The following SERPINC1 variants were observed in gnomAD, a reference collection of about 807,000 sequenced individuals.
SERPINC1 encodes serpin family C member 1.
Under a neutral mutation model 43.4 loss-of-function variants are expected in SERPINC1, and 12 were observed. That is an observed-to-expected ratio of 0.28 (90% CI 0.18 to 0.45). The LOEUF (loss-of-function observed/expected upper bound fraction) is 0.45. Ranked by LOEUF, SERPINC1 falls within the 20% of genes least tolerant of loss-of-function variation. The probability of loss-of-function intolerance (pLI) is 1.00; values close to 1 mark genes in which losing one functional copy is unlikely to be tolerated. For missense variants in SERPINC1, 423 were observed against 578.8 expected (o/e 0.73, Z 2.76); for synonymous variants, 210 against 218.9 (o/e 0.96, Z 0.36).
In SERPINC1 at chr1:173,909,555, G is replaced by A; in HGVS notation, c.1150C>T (p.Pro384Ser). The A allele has an allele frequency of 1.9e-6, 3 of 1,613,766 alleles. No individual in the cohort carries two copies. Among genetic ancestry groups the A allele is most frequent in the Non-Finnish European group, 2.5e-6 (3 of 1,180,036 alleles). The change falls in exon 5 of 7, where the codon CCA (proline) becomes TCA (serine). Residue 384 changes from proline (P) to serine (S), a missense_variant. Coordinates refer to ENST00000367698, the MANE Select transcript of SERPINC1 (RefSeq NM_000488.4). Reference protein sequence around the residue: ...DLFSPEKSKLPGIVAEGRDDL... With the variant: ...DLFSPEKSKLSGIVAEGRDDL... ...GGAAACTCCTTCCTAGACAAACCTG[G>A]GAGTTTGGACTTTTCAGGGCTGAAC...
At chr1:173,909,122 C>T (rs559938222) in intron 5 of SERPINC1, among the ~76,000 whole-genome samples, 10 of 152,204 alleles carry the variant, frequency 6.6e-5, no homozygotes, top group South Asian at 2.1e-4. Flanking sequence ...GAGATCGCAC[C>T]GCTGCACTCC....
At chr1:173,916,932 C>G (rs1658015984) in intron 1 of SERPINC1, among the ~76,000 whole-genome samples, 1 of 152,184 alleles carries the variant, frequency 6.6e-6, no homozygotes, top group Admixed American at 6.5e-5. Flanking sequence ...GGAGCGTCCC[C>G]TGGATCCCGT....
At chr1:173,913,963 A>G (rs899749575) in intron 2 of SERPINC1, among the ~76,000 whole-genome samples, 6 of 152,004 alleles carry the variant, frequency 3.9e-5, no homozygotes, top group African/African-American at 1.5e-4. Context: ...CTGTAATCCC[A>G]TCTACTCAGG....
At chr1:173,910,694 G>A (rs910646529) in intron 4 of SERPINC1, 60 bp downstream of exon 4, 42 of 1,558,532 alleles carry the variant, frequency 2.7e-5, no homozygotes, top group Admixed American at 3.4e-5. Context: ...TAAAAAAAAA[G>A]GGGGTAAGCT....
intron 2 of SERPINC1, among the ~76,000 whole-genome samples, chr1:173,913,913 A>G (rs1231089753): frequency 6.6e-6 from 1 of 151,728 alleles, no homozygotes; most frequent in Non-Finnish European, 1.5e-5. Context: ...CCCCATCTCT[A>G]CTAAAAATAT....
Position 173,910,775 on chromosome 1 carries a change from C to G in SERPINC1, c.741G>C (p.Leu247=), listed in dbSNP as rs757200092. ...GTACCTTGAAGTAAATGGTGTTAAC[C>G]AGCACCAGAACAGTGAGCTCATTGA... ...EAINELTVLV[L]VNTIYFKGLW... Residue 247 remains leucine, a synonymous_variant, in exon 4 of 7, where the codon CTG becomes CTC. Coordinates refer to ENST00000367698, the MANE Select transcript of SERPINC1 (RefSeq NM_000488.4). 6.8e-6 allele frequency: 11 copies of G among 1,614,006 alleles called. No individual in the cohort carries two copies. The highest frequency in any genetic ancestry group is 9.3e-6 in the Non-Finnish European group (11 of 1,179,940).
At chr1:173,911,490 T>A (rs954738204) in intron 3 of SERPINC1, among the ~76,000 whole-genome samples, 5 of 152,212 alleles carry the variant, frequency 3.3e-5, no homozygotes, top group Admixed American at 6.5e-5. Context: ...ACAGTTCAAA[T>A]TAAGTAAGAT....
At chr1:173,917,011 C>T (rs913277132) in intron 1 of SERPINC1, among the ~76,000 whole-genome samples, 5 of 152,058 alleles carry the variant, frequency 3.3e-5, no homozygotes, top group Non-Finnish European at 5.9e-5. Flanking sequence ...AGGCTAGGGA[C>T]CCAAGGGGTA....
At chr1:173,904,197 G>A (rs1572084776) in intron 6 of SERPINC1, 132 bp from the exon 7 acceptor site, 2 of 820,880 alleles carry the variant, frequency 2.4e-6, no homozygotes, top group Non-Finnish European at 4.1e-6. Flanking sequence ...GGGTCAGGTT[G>A]GATTCCCTCC....
At chr1:173,905,788 C>T (rs1232122203) in intron 6 of SERPINC1, among the ~76,000 whole-genome samples, 1 of 152,126 alleles carries the variant, frequency 6.6e-6, no homozygotes, top group Non-Finnish European at 1.5e-5. Context: ...TTCATCAAAC[C>T]TAATGAGCAT....
chr1:173,914,914 A>G lies in SERPINC1; in HGVS notation c.47T>C (p.Val16Ala), dbSNP rs531137446. 9.7e-5 allele frequency: 156 copies of G among 1,613,244 alleles called. No homozygotes were observed. In the Middle Eastern group the frequency reaches 1.2e-3, roughly 12 times the overall value. Residue 16 changes from valine (V) to alanine (A), a missense_variant, in exon 2 of 7, where the codon GTT becomes GCT. Val to Ala is a moderately conservative substitution (Grantham distance 64, BLOSUM62 0). Transcript: ENST00000367698. ...IGTVTSGKRK[V>A]YLLSLLLIGF... ...AATGAGCAGCAAGGACAAAAGATAAACCTTCCTGCAAGGAGACAAAATGCC... is the reference window on the plus strand; with the variant it reads ...AATGAGCAGCAAGGACAAAAGATAAGCCTTCCTGCAAGGAGACAAAATGCC...
chr1:173,908,026 T>TAAA lies in SERPINC1; in HGVS notation c.1154-515_1154-513dup, dbSNP rs1553217686. ...ATAATAATAATAATAATAATAATAA[T>TAAA]AAAAGTACTTTGGGCTTGTTCAGCA... On this transcript the variant is annotated intron_variant, in intron 5 of 6. Transcript: ENST00000367698. 7.6e-4 allele frequency among the ~76,000 whole-genome samples: 108 copies of TAAA among 142,890 alleles called. 1 individual carries two copies. Among genetic ancestry groups the TAAA allele is most frequent in the Middle Eastern group, 7.2e-3 (2 of 278 alleles). 93.7% of individuals were successfully genotyped at this position (142,890 alleles called of 152,430 possible). A position where few individuals can be genotyped will look rare whatever the true frequency, so the allele number is the denominator to read the frequency against.
rs1557904209 is a variant in SERPINC1 at position 173,914,717 on chromosome 1, C to T, written c.244G>A (p.Glu82Lys). Residue 82 changes from glutamate (E) to lysine (K), a missense_variant, in exon 2 of 7, where the codon GAA becomes AAA. Transcript: ENST00000367698. ...IPEATNRRVW[E>K]LSKANSRFAT... ...AAGCGGGAATTGGCCTTGGACAGTT[C>T]CCAGACACGCCGGTTGGTGGCCTCC... 6.2e-7 allele frequency: 1 copy of T among 1,614,212 alleles called. No homozygotes were observed.
rs778915564 is a variant in SERPINC1 at position 173,909,820 on chromosome 1, C to A, written c.885G>T (p.Val295=). ...YQEGKFRYRR[V]AEGTQVLELP... ...ACTCAAGCACCTGGGTGCCTTCAGCCACGCGCCGATAACGGAACTTGCCTT... is the reference window on the plus strand; with the variant it reads ...ACTCAAGCACCTGGGTGCCTTCAGCAACGCGCCGATAACGGAACTTGCCTT... The change falls in exon 5 of 7, where the codon GTG becomes GTT. Residue 295 remains valine (V), a synonymous_variant. Coordinates refer to ENST00000367698, the MANE Select transcript of SERPINC1 (RefSeq NM_000488.4). 3.1e-6 allele frequency: 5 copies of A among 1,614,144 alleles called. No homozygotes were observed. Among genetic ancestry groups the A allele is most frequent in the Non-Finnish European group, 4.2e-6 (5 of 1,179,968 alleles).
intron 1 of SERPINC1, chr1:173,915,265 T>A: frequency 1.0e-6 from 1 of 956,688 alleles, no homozygotes; most frequent in Non-Finnish European, 1.4e-6. Context: ...TAGTGCCCAG[T>A]GAAGAGTCAG....
intron 6 of SERPINC1, among the ~76,000 whole-genome samples, chr1:173,905,948 G>A (rs2227628): frequency 3.9e-4 from 60 of 152,220 alleles, no homozygotes; most frequent in Non-Finnish European, 6.3e-4. Flanking sequence ...CCTCGCTCCC[G>A]TTAAAATTCC....
chr1:173,909,231 TTAA>T (rs1657659938), intron 5 of SERPINC1, among the ~76,000 whole-genome samples: 2 of 152,192 alleles, frequency 1.3e-5, no homozygotes, highest in Non-Finnish European at 2.9e-5. Context: ...TCCCCAGCTC[TTAA>T]TATCTGTCTC....
At chr1:173,915,242 A>G in intron 1 of SERPINC1, 1 of 1,202,058 alleles carries the variant, frequency 8.3e-7, no homozygotes, top group East Asian at 4.6e-5. Context: ...GTGCATGCCT[A>G]AAAAATCGGC....
chr1:173,910,194 A>G (rs1657708167), intron 4 of SERPINC1, among the ~76,000 whole-genome samples: 1 of 152,236 alleles, frequency 6.6e-6, no homozygotes, highest in Admixed American at 6.5e-5. Context: ...TGGTACATCC[A>G]GACCAAATGT....
Sources: gnomAD v4.1 joint callset for allele counts (sites outside exome capture counted in the v4.1 genomes callset) on GRCh38, gnomAD v4.1.1 for gene constraint, MANE v1.5 for transcripts, NCBI Gene and HGNC (gene_info 2026-07-23, HGNC 2026-07-21) for gene names.